The following ZNF516 variants were observed in gnomAD, a reference collection of about 807,000 sequenced individuals.
ZNF516 encodes the protein zinc finger protein 516.
ZNF516 carries 19 observed loss-of-function variants against 79.7 expected under a neutral mutation model. The ratio of observed to expected loss-of-function variants is 0.24; its 90% CI spans 0.17 to 0.35. The LOEUF (loss-of-function observed/expected upper bound fraction) is 0.35, where lower values mean the gene tolerates loss of function less well. ZNF516 is among the 10% of genes least tolerant of loss of function. ZNF516 has a pLI of 1.00. For synonymous variants in ZNF516, 877 were observed against 739.5 expected (o/e 1.19, Z -3.02); for missense variants, 1,678 against 1,679.5 (o/e 1.00, Z 0.02).
At chr18:76,490,982 C>A (rs1915148836) in intron 1 of ZNF516, 5 of 985,444 alleles carry the variant, frequency 5.1e-6, no homozygotes, top group Non-Finnish European at 6.0e-6. Flanking sequence ...CACGCAGCAG[C>A]CCCTCGCGAG....
At chr18:76,476,410 T>TA (rs1914177802) in intron 1 of ZNF516, among the ~76,000 whole-genome samples, 1 of 152,176 alleles carries the variant, frequency 6.6e-6, no homozygotes, top group South Asian at 2.1e-4. Context: ...GTTCAGTAAT[T>TA]AAAATGGGTA....
At chr18:76,387,880 C>G (rs947143997) in intron 3 of ZNF516, 1 of 152,312 alleles carries the variant, frequency 6.6e-6, no homozygotes, top group Non-Finnish European at 1.5e-5. Context: ...TTCCTGTTTT[C>G]AAACTCAAGT....
chr18:76,476,653 C>T (rs530775029), intron 1 of ZNF516, among the ~76,000 whole-genome samples: 4 of 152,300 alleles, frequency 2.6e-5, no homozygotes, highest in Admixed American at 6.5e-5. Context: ...AGCGATTAAA[C>T]GTAAGCTTGT....
chr18:76,367,462 C>T (rs779855440), intron 6 of ZNF516, among the ~76,000 whole-genome samples: 1 of 152,216 alleles, frequency 6.6e-6, no homozygotes, highest in Non-Finnish European at 1.5e-5. Flanking sequence ...AGAGTCTCAA[C>T]AAGGAGACCT....
At chr18:76,482,485 C>T (rs1433215400) in intron 1 of ZNF516, among the ~76,000 whole-genome samples, 1 of 152,196 alleles carries the variant, frequency 6.6e-6, no homozygotes, top group Non-Finnish European at 1.5e-5. Flanking sequence ...GGGTGGACGT[C>T]GGTACTTCAT....
chr18:76,365,863 T>C (rs1040355329), intron 6 of ZNF516, among the ~76,000 whole-genome samples: 1 of 152,184 alleles, frequency 6.6e-6, no homozygotes, highest in Admixed American at 6.5e-5. Flanking sequence ...TAAAGGGGTG[T>C]GCTGTGAGCA....
At chr18:76,448,466 G>C (rs1026657423) in intron 2 of ZNF516, among the ~76,000 whole-genome samples, 1 of 152,120 alleles carries the variant, frequency 6.6e-6, no homozygotes, top group East Asian at 1.9e-4. Flanking sequence ...AACACTTCCC[G>C]GTGTGAAGAA....
At chr18:76,492,012 C>T (rs1915257141) in intron 1 of ZNF516, among the ~76,000 whole-genome samples, 1 of 152,182 alleles carries the variant, frequency 6.6e-6, no homozygotes, top group Non-Finnish European at 1.5e-5. Context: ...GGACGAAGGT[C>T]GCCCACGGAC....
At chr18:76,427,874 AAAT>A (rs2075615371) in intron 3 of ZNF516, among the ~76,000 whole-genome samples, 1 of 152,246 alleles carries the variant, frequency 6.6e-6, no homozygotes, top group African/African-American at 2.4e-5. Flanking sequence ...TCACAAAAAA[AAAT>A]GAGAAAATGG....
intron 1 of ZNF516, chr18:76,490,536 C>T (rs1915111822): frequency 6.2e-6 from 1 of 161,570 alleles, no homozygotes. Context: ...ATACTTCAAT[C>T]ATATTAATAA....
Position 76,358,179 on chromosome 18 carries a change from T to C in ZNF516, c.*4319A>G, listed in dbSNP as rs1228886903. 1.3e-5 allele frequency: 2 copies of C among 152,240 alleles called. No individual in the cohort carries two copies. Among genetic ancestry groups the C allele is most frequent in the Non-Finnish European group, 2.9e-5 (2 of 68,044 alleles). 9.4% of individuals were successfully genotyped at this position (152,240 alleles called of 1,614,324 possible). ...CACCCTCTGAAATTGGGGAAAAATG[T>C]CTTACAAATCTCAGAACTCCAAGAT... is the stretch of plus-strand genomic sequence containing the variant. On this transcript the variant is annotated 3_prime_UTR_variant, in exon 7 of 7. Coordinates refer to ENST00000443185, the MANE Select transcript of ZNF516 (RefSeq NM_014643.4).
chr18:76,401,738 T>TCCACCACCAACCACAGCCCCGCGCCGCAC (rs2072810175), intron 3 of ZNF516, among the ~76,000 whole-genome samples: 16 of 12,700 alleles, frequency 1.3e-3, no homozygotes, highest in Admixed American at 1.7e-3. Flanking sequence ...CCGCGCCGCA[T>TCCACCACCAACCACAGCCCCGCGCCGCAC]CTCTCCACCA....
intron 5 of ZNF516, 144 bp from the exon 6 acceptor site, chr18:76,370,739 CACTT>C (rs1469345736): frequency 6.2e-6 from 4 of 644,820 alleles, no homozygotes; most frequent in Admixed American, 7.5e-5. Context: ...TTTACCGTAA[CACTT>C]ACAGTAAGAG....
intron 1 of ZNF516, chr18:76,491,075 A>G: frequency 1.0e-6 from 1 of 985,288 alleles, no homozygotes; most frequent in Non-Finnish European, 1.2e-6. Context: ...GTGAACACTT[A>G]TGTAATCGTC....
In ZNF516 at chr18:76,451,295, G is replaced by C. The variant is rs993702772; in HGVS notation, c.-157-8084C>G. On this transcript the variant is annotated intron_variant, in intron 2 of 6. Transcript: ENST00000443185. The surrounding 1 kb of genome is among the most constrained non-coding windows in gnomAD (Gnocchi z 6.0). ...ACTTATCCCCGTCTGCGTCCTCTCT[G>C]ACCACCTTCCGGGGGCGGGGGGGGC... 6.6e-6 allele frequency among the ~76,000 whole-genome samples: 1 copy of C among 152,116 alleles called. No homozygotes were observed. The highest frequency in any genetic ancestry group is 1.5e-5 in the Non-Finnish European group (1 of 68,016).
chr18:76,450,154 T>C (rs902757765), intron 2 of ZNF516, among the ~76,000 whole-genome samples: 1 of 120,830 alleles, frequency 8.3e-6, no homozygotes, highest in South Asian at 3.1e-4. Context: ...AAGGCAAATG[T>C]ACCAGAATGT....
rs572503808 is a variant in ZNF516, at chr18:76,437,813, C to G, written c.1810+3432G>C. On this transcript the variant is annotated intron_variant, in intron 3 of 6. Coordinates refer to ENST00000443185, the MANE Select transcript of ZNF516 (RefSeq NM_014643.4). ...ATATGTTCAGTACAGATATAAACAT[C>G]TATTTTTCTTTAATATTTTCAGGCT... Among the ~76,000 whole-genome samples the G allele has an allele frequency of 1.1e-4, 17 of 152,278 alleles. 1 individual carries two copies. In the South Asian group the frequency reaches 3.5e-3, roughly 32 times the overall value.
At chr18:76,453,248 A>C (rs946320459) in intron 2 of ZNF516, among the ~76,000 whole-genome samples, 4 of 152,310 alleles carry the variant, frequency 2.6e-5, no homozygotes, top group Middle Eastern at 3.4e-3. Flanking sequence ...AGGCTTCTGG[A>C]GCAGCCAGCA....
At chr18:76,369,777 G>A (rs1436672898) in intron 6 of ZNF516, among the ~76,000 whole-genome samples, 1 of 152,164 alleles carries the variant, frequency 6.6e-6, no homozygotes, top group African/African-American at 2.4e-5. Flanking sequence ...TTTGTCTTTG[G>A]AGAAAGCCAG....
Sources: gnomAD v4.1 joint callset for allele counts (sites outside exome capture counted in the v4.1 genomes callset) on GRCh38, gnomAD v4.1.1 for gene constraint, Gnocchi (gnomAD v3.1) non-coding constraint, MANE v1.5 for transcripts, NCBI Gene and HGNC (gene_info 2026-07-23, HGNC 2026-07-21) for gene names.